The following STARD13 variants were observed in gnomAD, a reference collection of about 807,000 sequenced individuals.
The protein encoded by STARD13 is stAR-related lipid transfer protein 13.
A neutral mutation model predicts 106.4 loss-of-function variants in STARD13; 62 were observed. That is an observed-to-expected ratio of 0.58 (90% CI 0.48 to 0.72). The LOEUF (loss-of-function observed/expected upper bound fraction) is 0.72. Among genes scored for constraint, STARD13 ranks in the 30% least tolerant of loss-of-function variants. The pLI is 0.00. For missense variants in STARD13, 1,387 were observed against 1,424.0 expected, an observed-to-expected ratio of 0.97 and a Z score of 0.42; for synonymous variants, 565 against 553.0, an observed-to-expected ratio of 1.02 and a Z score of -0.31.
the STARD13 span, among the ~76,000 whole-genome samples, chr13:33,445,776 G>T: frequency 1.3e-5 from 2 of 152,118 alleles, no homozygotes; most frequent in Non-Finnish European, 1.5e-5. Flanking sequence ...GAGGGGCCAG[G>T]TGCCAGGCTC....
At chr13:33,623,427 G>GT in the STARD13 span, among the ~76,000 whole-genome samples, 1 of 49,300 alleles carries the variant, frequency 2.0e-5, no homozygotes, top group Admixed American at 2.7e-4. Context: ...CCTCAATAAA[G>GT]TAAAAAAAAA....
At chr13:33,376,690 T>C in the STARD13 span, among the ~76,000 whole-genome samples, 1 of 151,802 alleles carries the variant, frequency 6.6e-6, no homozygotes, top group African/African-American at 2.4e-5. Context: ...CGGATTTTTA[T>C]GGAAGGATGA....
At chr13:33,114,464 A>G (rs1023461518) in intron 8 of STARD13, among the ~76,000 whole-genome samples, 9 of 152,168 alleles carry the variant, frequency 5.9e-5, no homozygotes, top group African/African-American at 2.2e-4. Context: ...CACCATGTCC[A>G]TTGTGTACTG....
At chr13:33,459,038 C>T in the STARD13 span, among the ~76,000 whole-genome samples, 1,354 of 151,912 alleles carry the variant, frequency 8.9e-3, 10 homozygotes, top group Non-Finnish European at 0.014. Context: ...CACCTGTGCC[C>T]GGCCTATTAT....
intron 1 of STARD13, among the ~76,000 whole-genome samples, chr13:33,339,356 A>G (rs1400112917): frequency 2.0e-5 from 3 of 152,200 alleles, no homozygotes; most frequent in African/African-American, 7.2e-5. Flanking sequence ...TCTACTACAC[A>G]GCTATAGGTA....
At chr13:33,348,922 C>A in exon 2 of STARD13, 1 of 546,006 alleles carries the variant, frequency 1.8e-6, no homozygotes, top group Non-Finnish European at 3.3e-6. Flanking sequence ...CATCCATAAT[C>A]TCCACTTCTA....
At chr13:33,300,909 C>G (rs924070244) in intron 1 of STARD13, among the ~76,000 whole-genome samples, 1 of 152,114 alleles carries the variant, frequency 6.6e-6, no homozygotes, top group Non-Finnish European at 1.5e-5. Context: ...TTTGAACATG[C>G]GCTTCCCTCG....
chr13:33,340,846 T>C (rs2077951845), intron 1 of STARD13, among the ~76,000 whole-genome samples: 2 of 152,364 alleles, frequency 1.3e-5, no homozygotes, highest in South Asian at 2.1e-4. Flanking sequence ...TCTGGTCAGA[T>C]AGATGAGTTA....
the STARD13 span, among the ~76,000 whole-genome samples, chr13:33,636,540 T>C: frequency 6.6e-6 from 1 of 152,200 alleles, no homozygotes; most frequent in African/African-American, 2.4e-5. Flanking sequence ...ATTATGGGAC[T>C]ATTCAAGAAA....
intron 1 of STARD13, among the ~76,000 whole-genome samples, chr13:33,232,733 G>A (rs1888985887): frequency 6.6e-6 from 1 of 152,176 alleles, no homozygotes; most frequent in African/African-American, 2.4e-5. Flanking sequence ...ACTTACACTT[G>A]TCTATTCTGA....
At chr13:33,594,372 C>CA in the STARD13 span, among the ~76,000 whole-genome samples, 1 of 152,162 alleles carries the variant, frequency 6.6e-6, no homozygotes, top group Admixed American at 6.6e-5. Flanking sequence ...CATAATGAAT[C>CA]ATCTCATATC....
At chr13:33,513,639 A>T in the STARD13 span, among the ~76,000 whole-genome samples, 1 of 152,204 alleles carries the variant, frequency 6.6e-6, no homozygotes, top group African/African-American at 2.4e-5. Flanking sequence ...CATAGCACAT[A>T]AAACTATTAT....
At chr13:33,246,057 T>C (rs1889809885) in intron 1 of STARD13, among the ~76,000 whole-genome samples, 1 of 152,180 alleles carries the variant, frequency 6.6e-6, no homozygotes, top group Middle Eastern at 3.2e-3. Flanking sequence ...GGGCCTGTTA[T>C]CCAGAGAAAC....
At chr13:33,331,629 G>T (rs1301523005) in intron 1 of STARD13, among the ~76,000 whole-genome samples, 1 of 150,726 alleles carries the variant, frequency 6.6e-6, no homozygotes, top group African/African-American at 2.4e-5. Flanking sequence ...GGCTCCCAAA[G>T]TGCTGGGATT....
At chr13:33,546,078 ACT>A in the STARD13 span, among the ~76,000 whole-genome samples, 1 of 152,118 alleles carries the variant, frequency 6.6e-6, no homozygotes. Flanking sequence ...ATCAGTAAAC[ACT>A]CTTATGAAAT....
At chr13:33,111,311 C>G (rs1874530018) in intron 10 of STARD13, among the ~76,000 whole-genome samples, 1 of 152,168 alleles carries the variant, frequency 6.6e-6, no homozygotes, top group Admixed American at 6.5e-5. Context: ...TTTTAGCACA[C>G]TTTTCCCATT....
intron 1 of STARD13, chr13:33,205,723 C>T (rs1887370279): frequency 4.8e-6 from 2 of 414,592 alleles, no homozygotes; most frequent in Non-Finnish European, 6.5e-6. Context: ...ACAAAGAAAA[C>T]TTTTTATATC....
At chr13:33,440,942 G>T in the STARD13 span, among the ~76,000 whole-genome samples, 1 of 150,874 alleles carries the variant, frequency 6.6e-6, no homozygotes, top group Admixed American at 6.6e-5. Flanking sequence ...TTGCACATTT[G>T]CCTTTGGACA....
intron 1 of STARD13, among the ~76,000 whole-genome samples, chr13:33,325,899 G>A (rs561287549): frequency 6.6e-5 from 10 of 151,404 alleles, no homozygotes; most frequent in African/African-American, 2.2e-4. Context: ...GCAGGAGAAT[G>A]GCGTGAACCC....
Sources: gnomAD v4.1 joint callset for allele counts (sites outside exome capture counted in the v4.1 genomes callset) on GRCh38, gnomAD v4.1.1 for gene constraint, MANE v1.5 for transcripts, NCBI Gene and HGNC (gene_info 2026-07-23, HGNC 2026-07-21) for gene names.